Variants in KCNK13 observed in about 807,000 individuals in gnomAD.
The protein encoded by KCNK13 is potassium channel subfamily K member 13.
In KCNK13, 12 loss-of-function variants were observed where a neutral mutation model predicts 23.4. The ratio of observed to expected loss-of-function variants is 0.51; its 90% CI spans 0.33 to 0.83. The LOEUF is 0.83. Ranked by LOEUF, KCNK13 falls within the 40% of genes least tolerant of loss-of-function variation. KCNK13 has a pLI of 0.02. For missense variants in KCNK13, 463 were observed against 556.3 expected (o/e 0.83, Z 1.69); for synonymous variants, 231 against 229.5 (o/e 1.01, Z -0.06).
chr14:90,182,839 A>G (rs562525908), intron 1 of KCNK13, among the ~76,000 whole-genome samples: 17 of 151,734 alleles, frequency 1.1e-4, no homozygotes, highest in East Asian at 5.8e-4. Flanking sequence ...AAAAAAAAAA[A>G]AGAGAGAGGT....
At chr14:90,146,708 A>AT (rs543725902) in intron 1 of KCNK13, among the ~76,000 whole-genome samples, 22 of 149,840 alleles carry the variant, frequency 1.5e-4, no homozygotes, top group Admixed American at 2.0e-4. Flanking sequence ...GTTGAATTTG[A>AT]TTTTTTTTTT....
chr14:90,084,951 T>A (rs1889254723), intron 1 of KCNK13, among the ~76,000 whole-genome samples: 1 of 152,160 alleles, frequency 6.6e-6, no homozygotes. Flanking sequence ...TTCATTTATT[T>A]ATTTATTTTG....
At chr14:90,161,693 C>T (rs1177945311) in intron 1 of KCNK13, among the ~76,000 whole-genome samples, 1 of 152,158 alleles carries the variant, frequency 6.6e-6, no homozygotes, top group Non-Finnish European at 1.5e-5. Flanking sequence ...TGTCATTTCT[C>T]CACAAATGAA....
intron 1 of KCNK13, among the ~76,000 whole-genome samples, chr14:90,125,152 G>A (rs1265326444): frequency 6.6e-6 from 1 of 151,990 alleles, no homozygotes; most frequent in Non-Finnish European, 1.5e-5. Flanking sequence ...CAAAATAATA[G>A]TAATGATAGC....
chr14:90,078,933 AT>A (rs1303254311), intron 1 of KCNK13, among the ~76,000 whole-genome samples: 3 of 152,172 alleles, frequency 2.0e-5, no homozygotes, highest in Non-Finnish European at 2.9e-5. Flanking sequence ...TTGCTTAGGA[AT>A]TTTGTTTGCC....
chr14:90,131,923 C>T (rs1457999821), intron 1 of KCNK13, among the ~76,000 whole-genome samples: 7 of 152,202 alleles, frequency 4.6e-5, no homozygotes, highest in African/African-American at 1.4e-4. Context: ...AGCAATCCCA[C>T]TTCTGGGTAT....
intron 1 of KCNK13, among the ~76,000 whole-genome samples, chr14:90,156,964 G>A (rs1167873800): frequency 6.6e-6 from 1 of 152,150 alleles, no homozygotes; most frequent in Non-Finnish European, 1.5e-5. Flanking sequence ...AAATGCATAG[G>A]TTTGGATTCT....
intron 1 of KCNK13, among the ~76,000 whole-genome samples, chr14:90,156,760 G>A (rs1890199447): frequency 6.6e-6 from 1 of 152,176 alleles, no homozygotes; most frequent in African/African-American, 2.4e-5. Flanking sequence ...AGGTCCTCGT[G>A]TGCATGAGTG....
chr14:90,148,644 G>A lies in KCNK13; in HGVS notation c.335-35467G>A, dbSNP rs767958432. ...TTTGGAATAGCAGAAGCTCTGCTGC[G>A]CAGTGGGAGGGATCAGAAGGTGGCG... is the stretch of plus-strand genomic sequence containing the variant. On this transcript the variant is annotated intron_variant, in intron 1 of 1. Coordinates refer to ENST00000282146, the MANE Select transcript of KCNK13 (RefSeq NM_022054.4). 1.2e-4 allele frequency among the ~76,000 whole-genome samples: 19 copies of A among 152,354 alleles called. No individual in the cohort carries two copies. In the South Asian group the frequency reaches 3.1e-3, roughly 25 times the overall value.
At chr14:90,168,224 A>G (rs1349164387) in intron 1 of KCNK13, among the ~76,000 whole-genome samples, 1 of 152,044 alleles carries the variant, frequency 6.6e-6, no homozygotes, top group Non-Finnish European at 1.5e-5. Flanking sequence ...AGATACAAAA[A>G]TTAGTCAGGC....
intron 1 of KCNK13, among the ~76,000 whole-genome samples, chr14:90,182,308 C>T (rs902170475): frequency 2.0e-5 from 3 of 152,202 alleles, no homozygotes; most frequent in African/African-American, 4.8e-5. Flanking sequence ...CTTGGCTTGA[C>T]TTGAGCAGAC....
intron 1 of KCNK13, among the ~76,000 whole-genome samples, chr14:90,093,643 A>C (rs905783385): frequency 6.6e-6 from 1 of 152,100 alleles, no homozygotes; most frequent in Non-Finnish European, 1.5e-5. Flanking sequence ...TGGAGAGCAG[A>C]TGGTGGTTGG....
intron 1 of KCNK13, among the ~76,000 whole-genome samples, chr14:90,114,513 C>T (rs562057584): frequency 1.3e-4 from 20 of 152,338 alleles, no homozygotes; most frequent in South Asian, 6.2e-4. Flanking sequence ...GTCAACCTAA[C>T]TAGAAATTCC....
chr14:90,181,512 CCATCACT>C (rs1890485646), intron 1 of KCNK13, among the ~76,000 whole-genome samples: 1 of 152,178 alleles, frequency 6.6e-6, no homozygotes, highest in African/African-American at 2.4e-5. Context: ...CCTCCTAATA[CCATCACT>C]TTATGGGTGA....
chr14:90,069,935 G>T (rs556309455), intron 1 of KCNK13, among the ~76,000 whole-genome samples: 20 of 152,290 alleles, frequency 1.3e-4, no homozygotes, highest in African/African-American at 4.8e-4. Context: ...GTTTTGTTCA[G>T]TGTCTAGTGA....
rs150660700 is a variant in KCNK13, at chr14:90,133,650, A to G, written c.335-50461A>G. ...AATTGCCCAATGTTACAGAGCTAGC[A>G]AGTAACAGAGCTGGGATTTGAACCA... is the stretch of plus-strand genomic sequence containing the variant. On this transcript the variant is annotated intron_variant, in intron 1 of 1. Coordinates refer to ENST00000282146, the MANE Select transcript of KCNK13 (RefSeq NM_022054.4). Among the ~76,000 whole-genome samples the G allele has an allele frequency of 4.4e-3, 660 of 151,692 alleles. 5 individuals carry two copies. Among genetic ancestry groups the G allele is most frequent in the African/African-American group, 0.015 (632 of 41,350 alleles).
At chr14:90,156,493 C>CA (rs1890196647) in intron 1 of KCNK13, among the ~76,000 whole-genome samples, 1 of 151,968 alleles carries the variant, frequency 6.6e-6, no homozygotes, top group Non-Finnish European at 1.5e-5. Context: ...ATTGAGATGC[C>CA]AGGCCAGGGT....
At chr14:90,111,639 G>A (rs1332206021) in intron 1 of KCNK13, among the ~76,000 whole-genome samples, 2 of 152,012 alleles carry the variant, frequency 1.3e-5, no homozygotes, top group African/African-American at 4.8e-5. Flanking sequence ...AGGTTATTTG[G>A]GGCATCTGGA....
intron 1 of KCNK13, among the ~76,000 whole-genome samples, chr14:90,180,068 T>C (rs1890468384): frequency 6.6e-6 from 1 of 152,166 alleles, no homozygotes; most frequent in Non-Finnish European, 1.5e-5. Context: ...GACAATGAGC[T>C]ACACTCAGCC....
Sources: gnomAD v4.1 joint callset for allele counts (sites outside exome capture counted in the v4.1 genomes callset) on GRCh38, gnomAD v4.1.1 for gene constraint, MANE v1.5 for transcripts, NCBI Gene and HGNC (gene_info 2026-07-23, HGNC 2026-07-21) for gene names.